The following ANAPC1 variants were observed in gnomAD, a reference collection of about 807,000 sequenced individuals.
ANAPC1 encodes the protein anaphase promoting complex subunit 1.
ANAPC1 carries 36 observed loss-of-function variants against 208.0 expected under a neutral mutation model. That is an observed-to-expected ratio of 0.17 (90% CI 0.13 to 0.23). ANAPC1 has a LOEUF of 0.23. ANAPC1 is among the 10% of genes least tolerant of loss of function. The pLI, the probability that ANAPC1 is intolerant of heterozygous loss-of-function variation, is 1.00. For missense variants in ANAPC1, 942 were observed against 2,011.6 expected, an observed-to-expected ratio of 0.47 and a Z score of 10.17; for synonymous variants, 378 against 695.2, an observed-to-expected ratio of 0.54 and a Z score of 7.18.
At chr2:111,880,199 C>T (rs1683225882) in intron 2 of ANAPC1, among the ~76,000 whole-genome samples, 1 of 151,952 alleles carries the variant, frequency 6.6e-6, no homozygotes, top group Admixed American at 6.6e-5. Flanking sequence ...CATGGAGAAA[C>T]CCCATCACTA....
intron 13 of ANAPC1, chr2:111,856,380 C>A: frequency 6.1e-6 from 3 of 490,550 alleles, no homozygotes; most frequent in Non-Finnish European, 3.7e-6. Flanking sequence ...GAAGGTTTCC[C>A]ATCTGTGACA....
intron 43 of ANAPC1, 116 bp downstream of exon 43, chr2:111,782,253 T>A (rs1677324060): frequency 9.7e-7 from 1 of 1,032,046 alleles, no homozygotes; most frequent in Admixed American, 2.9e-5. Context: ...AGTCAGTCTT[T>A]ACAATCTGCA....
intron 13 of ANAPC1, among the ~76,000 whole-genome samples, chr2:111,851,122 A>G (rs960036385): frequency 4.7e-5 from 7 of 147,874 alleles, no homozygotes; most frequent in Admixed American, 1.3e-4. Flanking sequence ...TTTTTTTTTG[A>G]GATAAGATCT....
intron 13 of ANAPC1, among the ~76,000 whole-genome samples, chr2:111,853,642 A>C (rs1477937051): frequency 6.6e-6 from 1 of 151,380 alleles, no homozygotes; most frequent in Non-Finnish European, 1.5e-5. Context: ...ATTCCTGTTT[A>C]TGTTGATATT....
At chr2:111,792,815 T>A (rs1363782562) in intron 37 of ANAPC1, among the ~76,000 whole-genome samples, 107 of 151,910 alleles carry the variant, frequency 7.0e-4, no homozygotes, top group Non-Finnish European at 2.4e-4. Context: ...TAGCCGGGCG[T>A]GGTGGCGGGC....
chr2:111,794,720 T>C (rs1343501365), intron 35 of ANAPC1, 98 bp downstream of exon 35: 2 of 1,308,988 alleles, frequency 1.5e-6, no homozygotes, highest in African/African-American at 2.9e-5. Context: ...GGATTCATAA[T>C]TACTTAAATC....
At chr2:111,848,782 A>G (rs1160248096) in intron 14 of ANAPC1, among the ~76,000 whole-genome samples, 17 of 152,092 alleles carry the variant, frequency 1.1e-4, no homozygotes, top group Non-Finnish European at 4.4e-5. Context: ...ATCTCAAAAA[A>G]AAAAAAAAGA....
chr2:111,843,820 C>T (rs1179810396), intron 16 of ANAPC1, among the ~76,000 whole-genome samples: 29 of 86,812 alleles, frequency 3.3e-4, no homozygotes, highest in East Asian at 7.3e-4. Context: ...CTGAAGACAG[C>T]TTTTTTTTTT....
chr2:111,852,880 T>C (rs1681483078), intron 13 of ANAPC1, among the ~76,000 whole-genome samples: 1 of 151,884 alleles, frequency 6.6e-6, no homozygotes, highest in African/African-American at 2.4e-5. Flanking sequence ...TCCCAGCACT[T>C]TGGGAGGCTG....
At chr2:111,852,005 C>T (rs972270778) in intron 13 of ANAPC1, among the ~76,000 whole-genome samples, 1 of 151,810 alleles carries the variant, frequency 6.6e-6, no homozygotes, top group Non-Finnish European at 1.5e-5. Context: ...CAAAAGCTAA[C>T]AAAATAACAG....
intron 47 of ANAPC1, among the ~76,000 whole-genome samples, chr2:111,769,675 C>A (rs1573282938): frequency 7.3e-6 from 1 of 136,784 alleles, no homozygotes; most frequent in Non-Finnish European, 1.5e-5. Flanking sequence ...CACCTACTGG[C>A]TTTCTTTTTT....
At chr2:111,875,398 T>C (rs1278187992) in intron 3 of ANAPC1, among the ~76,000 whole-genome samples, 2 of 152,176 alleles carry the variant, frequency 1.3e-5, no homozygotes, top group African/African-American at 4.8e-5. Context: ...CAGTCTCAAC[T>C]TCCTTTGATG....
intron 19 of ANAPC1, among the ~76,000 whole-genome samples, 195 bp downstream of exon 19, chr2:111,834,409 C>A (rs1680348109): frequency 6.6e-6 from 1 of 151,110 alleles, no homozygotes; most frequent in African/African-American, 2.5e-5. Context: ...GACTAAAAAT[C>A]CCTGCATGGC....
chr2:111,831,300 T>C lies in ANAPC1; in HGVS notation c.2611A>G (p.Arg871Gly), dbSNP rs778765663. ...CACATACATACCAAGACTACAAGTCTGCTTCTTTCACAGATTCCAGGGAGG... is the reference window on the plus strand; with the variant it reads ...CACATACATACCAAGACTACAAGTCCGCTTCTTTCACAGATTCCAGGGAGG... Reference protein sequence around the residue: ...PYLPGICERSRLVVLSIALYI... With the variant: ...PYLPGICERSGLVVLSIALYI... Residue 871 changes from arginine (R) to glycine (G), a missense_variant, in exon 21 of 48, where the codon AGA (arginine) becomes GGA (glycine). Transcript: ENST00000341068. 27 of 1,610,840 alleles carry C rather than the reference T, an allele frequency of 1.7e-5. No homozygotes were observed. In the South Asian group the frequency reaches 3.0e-4, roughly 18 times the overall value.
chr2:111,831,404 A>C lies in ANAPC1; in HGVS notation c.2507T>G (p.Phe836Cys). The C allele has an allele frequency of 6.2e-7, 1 of 1,610,472 alleles. No individual in the cohort carries two copies. Among genetic ancestry groups the C allele is most frequent in the Non-Finnish European group, 8.5e-7 (1 of 1,179,204 alleles). Residue 836 changes from phenylalanine to cysteine, a missense_variant, in exon 21 of 48, where the codon TTT becomes TGT. By Grantham distance (205) the Phe-to-Cys change is radical (BLOSUM62 -2). Transcript: ENST00000341068. ...GQTGFMHHPS[F>C]FTSEPPSIYQ... ...AATACTTGGTGGCTCAGACGTAAAA[A>C]ATGATGGATGATGCATAAATCCTGT... is the stretch of plus-strand genomic sequence containing the variant.
chr2:111,846,055 A>T (rs910715113), intron 16 of ANAPC1, among the ~76,000 whole-genome samples: 18 of 152,100 alleles, frequency 1.2e-4, no homozygotes, highest in Non-Finnish European at 2.5e-4. Context: ...ACCAGCAGTG[A>T]AAATTCCTAA....
Position 111,856,631 on chromosome 2 carries a change from A to T in ANAPC1, c.1498T>A (p.Tyr500Asn), listed in dbSNP as rs1232222342. The change falls in exon 13 of 48, where the codon TAC becomes AAC. Residue 500 changes from tyrosine (Y) to asparagine (N), a missense_variant. Tyr to Asn is a moderately radical substitution (Grantham distance 143). Coordinates refer to ENST00000341068, the MANE Select transcript of ANAPC1 (RefSeq NM_022662.4). ...TTGCTTACCCGAACCACTCCTGTGT[A>T]TAGCACCAGGTTTCCACTGCCTTCC... is the stretch of plus-strand genomic sequence containing the variant. The part of the protein sequence containing the change: ...VLEGSGNLVL[Y>N]TGVVRVGKVF... 2.5e-6 allele frequency: 4 copies of T among 1,613,830 alleles called. No homozygotes were observed. The Admixed American group carries it at 5.0e-5, about 20-fold the overall frequency.
chr2:111,831,010 C>A (rs936519864), intron 21 of ANAPC1, among the ~76,000 whole-genome samples: 2 of 152,148 alleles, frequency 1.3e-5, no homozygotes, highest in Admixed American at 6.5e-5. Context: ...GAATGAAAAA[C>A]CAACTATGGC....
intron 46 of ANAPC1, among the ~76,000 whole-genome samples, chr2:111,775,734 G>A (rs1183988338): frequency 6.6e-6 from 1 of 152,108 alleles, no homozygotes; most frequent in South Asian, 2.1e-4. Context: ...AATCTGCAAA[G>A]ATTTAAGGAA....
Sources: allele counts gnomAD v4.1 joint callset (sites outside exome capture counted in the v4.1 genomes callset), GRCh38; gene constraint gnomAD v4.1.1; transcripts MANE v1.5; gene names NCBI Gene and HGNC (gene_info 2026-07-23, HGNC 2026-07-21).